The following CWC27 variants were observed in gnomAD, a reference collection of about 807,000 sequenced individuals.
The protein encoded by CWC27 is CWC27 spliceosome associated cyclophilin, also known as spliceosome-associated protein CWC27 homolog.
A neutral mutation model predicts 63.6 loss-of-function variants in CWC27; 47 were observed. That is an observed-to-expected ratio of 0.74 (90% CI 0.58 to 0.94). CWC27 has a LOEUF of 0.94. CWC27 is among the 40% of genes least tolerant of loss of function. CWC27 has a pLI of 0.00. For missense variants in CWC27, 495 were observed against 554.3 expected (o/e 0.89, Z 1.07); for synonymous variants, 175 against 179.8 (o/e 0.97, Z 0.22).
intron 13 of CWC27, among the ~76,000 whole-genome samples, chr5:65,011,537 G>C (rs1161904284): frequency 6.6e-6 from 1 of 152,184 alleles, no homozygotes; most frequent in Non-Finnish European, 1.5e-5. Flanking sequence ...GGGATGTCTG[G>C]AGCATAGATG....
chr5:64,892,276 A>G (rs1747257106), intron 11 of CWC27, among the ~76,000 whole-genome samples: 1 of 152,184 alleles, frequency 6.6e-6, no homozygotes. Flanking sequence ...CCTATTACTA[A>G]TATCTGTGTC....
intron 7 of CWC27, among the ~76,000 whole-genome samples, chr5:64,791,903 A>G (rs564301742): frequency 6.6e-6 from 1 of 151,998 alleles, no homozygotes; most frequent in East Asian, 1.9e-4. Flanking sequence ...TTTATCCAAG[A>G]TGTATCTCAA....
chr5:64,850,173 C>G (rs751360940), intron 10 of CWC27, among the ~76,000 whole-genome samples: 15 of 143,640 alleles, frequency 1.0e-4, no homozygotes, highest in Non-Finnish European at 1.8e-4. Context: ...TGATTTTAAA[C>G]TATACTACCT....
intron 11 of CWC27, among the ~76,000 whole-genome samples, chr5:64,962,251 G>T (rs988994499): frequency 4.6e-5 from 7 of 152,098 alleles, no homozygotes; most frequent in Non-Finnish European, 1.0e-4. Flanking sequence ...AGAAATGCTG[G>T]ATAAAATATG....
intron 7 of CWC27, among the ~76,000 whole-genome samples, chr5:64,792,880 A>T (rs1420954207): frequency 1.3e-5 from 2 of 152,144 alleles, no homozygotes; most frequent in African/African-American, 4.8e-5. Flanking sequence ...TTCCTTTCTG[A>T]ACAAGAAAAT....
chr5:64,834,060 G>C (rs1477455593), intron 10 of CWC27, among the ~76,000 whole-genome samples: 2 of 149,476 alleles, frequency 1.3e-5, no homozygotes, highest in African/African-American at 4.9e-5. Context: ...ATTGTTTTAT[G>C]GAAGCAATCT....
chr5:64,861,862 C>T (rs1746420030), intron 10 of CWC27, among the ~76,000 whole-genome samples: 1 of 152,052 alleles, frequency 6.6e-6, no homozygotes, highest in Non-Finnish European at 1.5e-5. Context: ...CATTACTTTC[C>T]AAAGAAATGT....
At chr5:64,880,642 G>C (rs1330586069) in intron 10 of CWC27, among the ~76,000 whole-genome samples, 1 of 151,488 alleles carries the variant, frequency 6.6e-6, no homozygotes, top group Non-Finnish European at 1.5e-5. Flanking sequence ...TAATTTCTAG[G>C]CTGCTGATAT....
In CWC27 at chr5:64,940,330, C is replaced by T. The variant is rs142554445; in HGVS notation, c.1043-31373C>T. 8.3e-4 allele frequency among the ~76,000 whole-genome samples: 127 copies of T among 152,218 alleles called. No individual in the cohort carries two copies. In the East Asian group the frequency reaches 0.017, roughly 21 times the overall value. ...CTGGGCTGGAGGGCACCGTTCCTCA[C>T]GGCACAGTCCCTCAGGGCTTCCCTT... is the stretch of plus-strand genomic sequence containing the variant. On this transcript the variant is annotated intron_variant, in intron 11 of 13. Transcript: ENST00000381070.
At chr5:64,810,141 T>C (rs1199861391) in intron 10 of CWC27, among the ~76,000 whole-genome samples, 1 of 152,208 alleles carries the variant, frequency 6.6e-6, no homozygotes, top group African/African-American at 2.4e-5. Context: ...CCAACATTTA[T>C]TGAAGAGACT....
intron 11 of CWC27, among the ~76,000 whole-genome samples, chr5:64,956,833 C>T (rs778613531): frequency 3.9e-5 from 6 of 152,120 alleles, no homozygotes; most frequent in Non-Finnish European, 5.9e-5. Context: ...GATAACCTAT[C>T]TAAACCTCTG....
At chr5:64,793,165 A>G (rs796369795) in intron 7 of CWC27, among the ~76,000 whole-genome samples, 1 of 152,204 alleles carries the variant, frequency 6.6e-6, no homozygotes, top group African/African-American at 2.4e-5. Context: ...TCTTGACACA[A>G]TTGGCCTAGT....
intron 10 of CWC27, among the ~76,000 whole-genome samples, chr5:64,828,035 G>T (rs74938597): frequency 0.029 from 4,447 of 152,166 alleles, 231 homozygotes; most frequent in African/African-American, 0.1. Context: ...TTTATACTAT[G>T]CGTGCTTTCC....
chr5:65,012,117 T>G (rs369914715), intron 13 of CWC27, among the ~76,000 whole-genome samples: 2 of 152,328 alleles, frequency 1.3e-5, no homozygotes, highest in African/African-American at 4.8e-5. Flanking sequence ...TTTTTTAAAT[T>G]TTGTACTCCA....
chr5:64,782,963 G>A (rs1743752572), intron 3 of CWC27, among the ~76,000 whole-genome samples: 1 of 152,136 alleles, frequency 6.6e-6, no homozygotes, highest in East Asian at 1.9e-4. Flanking sequence ...TGGTGTGACA[G>A]AATAGCTGTT....
At chr5:64,776,050 A>G (rs1743429503) in intron 2 of CWC27, among the ~76,000 whole-genome samples, 1 of 146,392 alleles carries the variant, frequency 6.8e-6, no homozygotes, top group African/African-American at 2.6e-5. Context: ...CAAAAGAGAG[A>G]GGTGGGGAGG....
intron 11 of CWC27, among the ~76,000 whole-genome samples, chr5:64,896,810 G>T (rs1403294387): frequency 6.6e-6 from 1 of 152,110 alleles, no homozygotes; most frequent in African/African-American, 2.4e-5. Context: ...ATCAATAGTT[G>T]TATTGAAATA....
In CWC27 at chr5:64,857,206, T is replaced by C. The variant is rs185723010; in HGVS notation, c.939-28237T>C. Among the ~76,000 whole-genome samples the C allele has an allele frequency of 2.3e-4, 35 of 152,336 alleles. No individual in the cohort carries two copies. In the East Asian group the frequency reaches 6.4e-3, roughly 28 times the overall value. On this transcript the variant is annotated intron_variant, in intron 10 of 13. Coordinates refer to ENST00000381070, the MANE Select transcript of CWC27 (RefSeq NM_005869.4). ...AGTATTCAATTTATTCATCACTGCC[T>C]AATAAAGACCCTACTTCCTTTTTCA...
At chr5:64,796,789 CTTCCTTCT>C (rs1393453058) in intron 7 of CWC27, among the ~76,000 whole-genome samples, 3 of 76,736 alleles carry the variant, frequency 3.9e-5, no homozygotes, top group South Asian at 5.6e-4. Flanking sequence ...TTCTTCCTTC[CTTCCTTCT>C]TCCCTCCCTC....
Sources: allele counts gnomAD v4.1 joint callset (sites outside exome capture counted in the v4.1 genomes callset), GRCh38; gene constraint gnomAD v4.1.1; transcripts MANE v1.5; gene names NCBI Gene and HGNC (gene_info 2026-07-23, HGNC 2026-07-21).